Variants in TUB observed in about 807,000 individuals in gnomAD.
TUB encodes tubby protein homolog.
In TUB, 33 loss-of-function variants were observed where a neutral mutation model predicts 59.7. The ratio of observed to expected loss-of-function variants is 0.55; its 90% CI spans 0.42 to 0.74. TUB has a LOEUF of 0.74. TUB is among the 30% of genes least tolerant of loss of function. The pLI, the probability that TUB is intolerant of heterozygous loss-of-function variation, is 0.00. For missense variants in TUB, 659 were observed against 672.0 expected (o/e 0.98, Z 0.21); for synonymous variants, 293 against 256.4 (o/e 1.14, Z -1.36).
intron 2 of TUB, among the ~76,000 whole-genome samples, chr11:8,058,220 TAAAAAAAAAA>T (rs59581554): frequency 7.2e-6 from 1 of 139,826 alleles, no homozygotes. Flanking sequence ...TCTCAAAAAT[TAAAAAAAAAA>T]AAAAAAAGAA....
At chr11:8,099,414 C>G (rs1347005406) in intron 9 of TUB, among the ~76,000 whole-genome samples, 1 of 152,126 alleles carries the variant, frequency 6.6e-6, no homozygotes, top group Non-Finnish European at 1.5e-5. Context: ...GGGTGGGTAT[C>G]TCATCAACCT....
intron 8 of TUB, 101 bp from the exon 9 acceptor site, chr11:8,098,657 C>T: frequency 1.2e-6 from 1 of 846,656 alleles, no homozygotes; most frequent in Admixed American, 2.1e-5. Context: ...CCTGTTCCAG[C>T]CCAGAATGTT....
At chr11:8,047,308 TC>T (rs966833834) in intron 2 of TUB, among the ~76,000 whole-genome samples, 36 of 152,324 alleles carry the variant, frequency 2.4e-4, no homozygotes, top group African/African-American at 7.7e-4. Context: ...TACTCAGATG[TC>T]CTCAATCACA....
chr11:8,049,578 T>TAGATAG lies in TUB; in HGVS notation c.203+9887_203+9888insGATAGA, dbSNP rs1554923443. ...ATTATGTGGTATATATATATATATA[T>TAGATAG]ATAGATAGATAGATAGATAGATAGA... On this transcript the variant is annotated intron_variant, in intron 2 of 12. Coordinates refer to the TUB transcript ENST00000305253. 1.8e-3 allele frequency among the ~76,000 whole-genome samples: 156 copies of TAGATAG among 85,930 alleles called. 1 individual carries two copies. The highest frequency in any genetic ancestry group is 4.9e-3 in the African/African-American group (140 of 28,566). The allele number at this position is 85,930 out of a possible 152,430, so 56.4% of individuals were successfully genotyped here.
At chr11:8,092,415 T>A (rs949647006) in intron 3 of TUB, among the ~76,000 whole-genome samples, 1 of 151,900 alleles carries the variant, frequency 6.6e-6, no homozygotes, top group Non-Finnish European at 1.5e-5. Context: ...AAGAAAAAGA[T>A]AGTTTCTGGT....
At chr11:8,094,249 G>T in intron 4 of TUB, 60 bp downstream of exon 4, 1 of 1,531,932 alleles carries the variant, frequency 6.5e-7, no homozygotes, top group South Asian at 1.3e-5. Context: ...TAGGGCTGGG[G>T]AAGGTTTGTC....
upstream of TUB, among the ~76,000 whole-genome samples, chr11:8,038,311 G>C (rs891046493): frequency 2.6e-5 from 4 of 152,116 alleles, no homozygotes; most frequent in Non-Finnish European, 5.9e-5. Context: ...GAGTGGATGG[G>C]AACACCCAGG....
chr11:8,021,915 C>CA lies in TUB; in HGVS notation c.56+2574dup, dbSNP rs5789558. Among the ~76,000 whole-genome samples the CA allele has an allele frequency of 5.5e-3, 641 of 116,930 alleles. 4 individuals carry two copies. Among genetic ancestry groups the CA allele is most frequent in the African/African-American group, 0.018 (579 of 31,430 alleles). The allele number at this position is 116,930 out of a possible 152,430, so 76.7% of individuals were successfully genotyped here. ...TGGGCAACAGAGCGAGACTCCAGCTCAAAAAAAAAAAAAAAAAGAAAATTA... is the reference window on the plus strand; with the variant it reads ...TGGGCAACAGAGCGAGACTCCAGCTCAAAAAAAAAAAAAAAAAAGAAAATTA... On this transcript the variant is annotated intron_variant, in intron 1 of 11. Transcript: ENST00000534099.
rs117916888 is a variant in TUB, at chr11:8,070,952, G to A, written c.204-18658G>A. The stretch of plus-strand genomic sequence containing the variant: ...ACTGCCATGTGAGAACAGACTGCAG[G>A]GGGGCTGGAGGGAAAGGGGGTGCAG... On this transcript the variant is annotated intron_variant, in intron 2 of 12. Coordinates refer to the TUB transcript ENST00000305253. Among the ~76,000 whole-genome samples, 10 of 152,262 alleles carry A rather than the reference G, an allele frequency of 6.6e-5. No individual in the cohort carries two copies. The East Asian group carries it at 1.9e-3, about 29-fold the overall frequency.
chr11:8,052,268 A>G (rs1014150067), intron 2 of TUB, among the ~76,000 whole-genome samples: 1 of 152,322 alleles, frequency 6.6e-6, no homozygotes, highest in Middle Eastern at 3.4e-3. Context: ...CACACCTGTC[A>G]ATTTATTTGA....
chr11:8,023,192 A>G (rs1942454669), intron 1 of TUB, among the ~76,000 whole-genome samples: 1 of 152,176 alleles, frequency 6.6e-6, no homozygotes, highest in South Asian at 2.1e-4. Flanking sequence ...GAGACAGCAG[A>G]AGCTGCAGGG....
chr11:8,097,846 A>T lies in TUB; in HGVS notation c.998+20A>T. ...ACTGCGGTACTAGCATTCCCCCAGG[A>T]AGCAGGCGGGAGTGGGAGGGAGGGG... On this transcript the variant is annotated intron_variant, in intron 8 of 11. Transcript: ENST00000299506. The T allele has an allele frequency of 6.2e-7, 1 of 1,604,456 alleles. No homozygotes were observed. The highest frequency in any genetic ancestry group is 8.5e-7 in the Non-Finnish European group (1 of 1,172,052).
intron 2 of TUB, among the ~76,000 whole-genome samples, chr11:8,057,301 G>A (rs1943035661): frequency 6.6e-6 from 1 of 152,116 alleles, no homozygotes; most frequent in Non-Finnish European, 1.5e-5. Context: ...CAGTGTTCCT[G>A]GACCAAACCG....
intron 2 of TUB, among the ~76,000 whole-genome samples, chr11:8,049,584 TAG>T (rs765211938): frequency 0.016 from 2,178 of 138,572 alleles, 58 homozygotes; most frequent in African/African-American, 0.028. Flanking sequence ...TATATATAGA[TAG>T]ATAGATAGAT....
At chr11:8,057,869 T>C (rs927340203) in intron 2 of TUB, among the ~76,000 whole-genome samples, 1 of 152,190 alleles carries the variant, frequency 6.6e-6, no homozygotes, top group African/African-American at 2.4e-5. Flanking sequence ...GCACTGGTTC[T>C]GTCAGCTTTT....
intron 2 of TUB, among the ~76,000 whole-genome samples, chr11:8,049,561 G>GTATGTATATATATATATATATA (rs1554923412): frequency 8.0e-6 from 1 of 124,258 alleles, no homozygotes; most frequent in African/African-American, 3.2e-5. Flanking sequence ...GTATTATGTG[G>GTATGTATATATATATATATATA]TATATATATA....
At chr11:8,039,164 G>T in intron 1 of TUB, 1 of 1,148,104 alleles carries the variant, frequency 8.7e-7, no homozygotes, top group Non-Finnish European at 1.2e-6. Context: ...CTATCACCAC[G>T]TGGAGCCCCA....
At chr11:8,043,208 G>C (rs761631982) in intron 2 of TUB, among the ~76,000 whole-genome samples, 1 of 152,064 alleles carries the variant, frequency 6.6e-6, no homozygotes, top group Non-Finnish European at 1.5e-5. Context: ...CCATTGAATG[G>C]TCTCGCTATC....
chr11:8,068,060 A>G (rs546746593), intron 2 of TUB: 3 of 152,330 alleles, frequency 2.0e-5, no homozygotes, highest in Admixed American at 1.3e-4. Context: ...GCTTTTATTT[A>G]TTAAATCATG....
Sources: allele counts gnomAD v4.1 joint callset (sites outside exome capture counted in the v4.1 genomes callset), GRCh38; gene constraint gnomAD v4.1.1; transcripts MANE v1.5; gene names NCBI Gene and HGNC (gene_info 2026-07-23, HGNC 2026-07-21).